Variants in SLC37A1 observed in about 807,000 individuals in gnomAD.
The protein encoded by SLC37A1 is solute carrier family 37 member 1.
A neutral mutation model predicts 75.3 loss-of-function variants in SLC37A1; 49 were observed. The ratio of observed to expected loss-of-function variants is 0.65; its 90% CI spans 0.52 to 0.83. The LOEUF (loss-of-function observed/expected upper bound fraction) is 0.83. SLC37A1 is among the 40% of genes least tolerant of loss of function. The pLI, the probability that SLC37A1 is intolerant of heterozygous loss-of-function variation, is 0.00. For synonymous variants in SLC37A1, 268 were observed against 292.1 expected (o/e 0.92, Z 0.84); for missense variants, 566 against 695.0 (o/e 0.81, Z 2.09).
rs559916630 is a variant in SLC37A1, at chr21:42,514,430, C to G, written c.-466C>G. On this transcript the variant is annotated 5_prime_UTR_variant, in exon 1 of 20. Transcript: ENST00000352133. This position sits in a 1 kb window ranked among gnomAD's most constrained non-coding sequence, Gnocchi z 4.8. ...GGAGGGGACCCTGCGCATTGTCTGC[C>G]GCGATGGGGACGTGGGCGTGCCCGC... 2.2e-4 allele frequency: 34 copies of G among 152,340 alleles called. 1 individual carries two copies. The highest frequency in any genetic ancestry group is 7.2e-4 in the African/African-American group (30 of 41,560). The allele number at this position is 152,340 out of a possible 1,614,324, so 9.4% of individuals were successfully genotyped here. A position where few individuals can be genotyped will look rare whatever the true frequency, so the allele number is the denominator to read the frequency against.
At chr21:42,580,256 A>G (rs388907) in intron 19 of SLC37A1, 89 bp from the exon 20 acceptor site, 1,077,412 of 1,483,278 alleles carry the variant, frequency 0.73, 399,496 homozygotes, top group African/African-American at 0.86. Context: ...GGCTCCCCAT[A>G]GGATTTGCAC....
chr21:42,518,287 C>T lies in SLC37A1; in HGVS notation c.-168C>T, dbSNP rs1209377613. The T allele has an allele frequency of 2.8e-6, 2 of 726,222 alleles. No individual in the cohort carries two copies. The highest frequency in any genetic ancestry group is 5.5e-5 in the East Asian group (2 of 36,142). 45.0% of individuals were successfully genotyped at this position (726,222 alleles called of 1,614,324 possible). On this transcript the variant is annotated 5_prime_UTR_variant, in exon 2 of 20. Coordinates refer to ENST00000352133, the MANE Select transcript of SLC37A1 (RefSeq NM_001320537.2). ...TCCTCCTCCTTGTAGAGAGCAGAGCCACTGCCAGAAGGAAGGGGACAAGAC... is the reference window on the plus strand; with the variant it reads ...TCCTCCTCCTTGTAGAGAGCAGAGCTACTGCCAGAAGGAAGGGGACAAGAC...
Position 42,513,962 on chromosome 21 carries a change from A to ACCCCCCCCCCCCCC in SLC37A1, c.-928_-927insCCCCCCCCCCCCCC. On this transcript the variant is annotated 5_prime_UTR_variant, in exon 1 of 20. Transcript: ENST00000352133. Reference sequence around the variant, plus strand: ...GCCGGGGCCGGACCGGGAGGCGGGGACCCCCCGCCCCCCCGCCCGCACCTG... The same window carrying ACCCCCCCCCCCCCC: ...GCCGGGGCCGGACCGGGAGGCGGGGACCCCCCCCCCCCCCCCCCCCGCCCCCCCGCCCGCACCTG... The ACCCCCCCCCCCCCC allele has an allele frequency of 7.0e-6, 1 of 142,312 alleles. No individual in the cohort carries two copies. Among genetic ancestry groups the ACCCCCCCCCCCCCC allele is most frequent in the South Asian group, 2.1e-4 (1 of 4,674 alleles). The allele number at this position is 142,312 out of a possible 1,614,324, so 8.8% of individuals were successfully genotyped here. A position where few individuals can be genotyped will look rare whatever the true frequency, so the allele number is the denominator to read the frequency against.
At chr21:42,518,189 C>G (rs1325001403) in intron 1 of SLC37A1, 88 bp from the exon 2 acceptor site, 3 of 486,858 alleles carry the variant, frequency 6.2e-6, no homozygotes, top group African/African-American at 5.9e-5. Context: ...GGTACTGCTA[C>G]TGTACGTGTG....
chr21:42,527,306 T>A (rs182502717), intron 3 of SLC37A1, among the ~76,000 whole-genome samples: 1 of 152,218 alleles, frequency 6.6e-6, no homozygotes, highest in Admixed American at 6.5e-5. Context: ...GGGGTCCACC[T>A]GATGACTATG....
upstream of SLC37A1, among the ~76,000 whole-genome samples, chr21:42,513,253 G>A (rs1157597505): frequency 1.3e-5 from 2 of 152,142 alleles, no homozygotes; most frequent in Non-Finnish European, 2.9e-5. Flanking sequence ...GCACTGGCCC[G>A]CAAGGGTAAG....
At chr21:42,529,185 A>C (rs2054877611) in intron 3 of SLC37A1, among the ~76,000 whole-genome samples, 1 of 152,232 alleles carries the variant, frequency 6.6e-6, no homozygotes, top group Non-Finnish European at 1.5e-5. Context: ...AATATGGAAT[A>C]TTTGACAGAG....
rs1672378146 is a variant in SLC37A1, at chr21:42,530,633, CACACACACACACACACA to C, written c.139-4064_139-4048del. Among the ~76,000 whole-genome samples the C allele has an allele frequency of 1.9e-4, 11 of 57,064 alleles. No homozygotes were observed. The South Asian group carries it at 4.9e-3, about 25-fold the overall frequency. The allele number at this position is 57,064 out of a possible 152,430, so 37.4% of individuals were successfully genotyped here. A position where few individuals can be genotyped will look rare whatever the true frequency, so the allele number is the denominator to read the frequency against. On this transcript the variant is annotated intron_variant, in intron 3 of 19. Coordinates refer to ENST00000352133, the MANE Select transcript of SLC37A1 (RefSeq NM_001320537.2). ...ACACACACACACACACACACACACACACACACACACACACACACACACCCCCTCTGTGTTGGCTGAAG... is the reference window on the plus strand; with the variant it reads ...ACACACACACACACACACACACACACCACACCCCCTCTGTGTTGGCTGAAG...
chr21:42,508,987 A>G (rs2054409970), upstream of SLC37A1, among the ~76,000 whole-genome samples: 1 of 152,134 alleles, frequency 6.6e-6, no homozygotes, highest in South Asian at 2.1e-4. Context: ...CTAAAATTCT[A>G]CCACTAAAAT....
chr21:42,526,314 G>A (rs1306473358), intron 3 of SLC37A1, among the ~76,000 whole-genome samples: 1 of 152,160 alleles, frequency 6.6e-6, no homozygotes, highest in Non-Finnish European at 1.5e-5. Context: ...TAGACTTTGA[G>A]AAAAGAAGAT....
At chr21:42,524,025 AC>A (rs2054717642) in intron 2 of SLC37A1, among the ~76,000 whole-genome samples, 1 of 152,150 alleles carries the variant, frequency 6.6e-6, no homozygotes, top group South Asian at 2.1e-4. Context: ...GGAGTAAATC[AC>A]AACATTAAAA....
At chr21:42,572,695 T>TAAAAA (rs1421400961) in intron 17 of SLC37A1, among the ~76,000 whole-genome samples, 2 of 132,270 alleles carry the variant, frequency 1.5e-5, no homozygotes, top group Non-Finnish European at 3.3e-5. Context: ...AAAAAAAGAG[T>TAAAAA]GTGTCCTGAG....
Position 42,542,413 on chromosome 21 carries a change from G to A in SLC37A1, c.496G>A (p.Gly166Arg), listed in dbSNP as rs779216363. Residue 166 changes from glycine to arginine, a missense_variant, in exon 7 of 20, where the codon GGG becomes AGG. By Grantham distance (125) the Gly-to-Arg change is moderately radical. Coordinates refer to ENST00000352133, the MANE Select transcript of SLC37A1 (RefSeq NM_001320537.2). Reference protein sequence around the residue: ...GFYVVTQVINGLVQTTGWPSV... With the variant: ...GFYVVTQVINRLVQTTGWPSV... ...TTGGCCTCTCCTGCAGGTCATCAAC[G>A]GGCTGGTGCAGACCACCGGCTGGCC... is the stretch of plus-strand genomic sequence containing the variant. 7.4e-6 allele frequency: 12 copies of A among 1,613,532 alleles called. No individual in the cohort carries two copies. Among genetic ancestry groups the A allele is most frequent in the Non-Finnish European group, 8.5e-6 (10 of 1,179,828 alleles).
rs912289513 is a variant in SLC37A1 at position 42,542,415 on chromosome 21, G to A, written c.498G>A (p.Gly166=). Residue 166 remains glycine (G), a synonymous_variant, in exon 7 of 20, where the codon GGG becomes GGA. Coordinates refer to ENST00000352133, the MANE Select transcript of SLC37A1 (RefSeq NM_001320537.2). ...GFYVVTQVIN[G]LVQTTGWPSV... Reference sequence around the variant, plus strand: ...GGCCTCTCCTGCAGGTCATCAACGGGCTGGTGCAGACCACCGGCTGGCCCA... The same window carrying A: ...GGCCTCTCCTGCAGGTCATCAACGGACTGGTGCAGACCACCGGCTGGCCCA... 7 of 1,613,892 alleles carry A rather than the reference G, an allele frequency of 4.3e-6. No homozygotes were observed. The highest frequency in any genetic ancestry group is 2.2e-5 in the South Asian group (2 of 91,048).
chr21:42,543,946 T>C (rs2055347641), intron 8 of SLC37A1, among the ~76,000 whole-genome samples: 1 of 152,238 alleles, frequency 6.6e-6, no homozygotes, highest in African/African-American at 2.4e-5. Context: ...ACAGCCTGAA[T>C]TGGACCCAGT....
intron 2 of SLC37A1, among the ~76,000 whole-genome samples, chr21:42,507,631 A>T (rs2054396094): frequency 6.6e-6 from 1 of 152,240 alleles, no homozygotes; most frequent in Non-Finnish European, 1.5e-5. Context: ...GCTGAACAAG[A>T]AGCATGGCAC....
At chr21:42,574,350 C>G (rs892345572) in intron 17 of SLC37A1, among the ~76,000 whole-genome samples, 3 of 152,204 alleles carry the variant, frequency 2.0e-5, no homozygotes, top group Admixed American at 2.0e-4. Context: ...AAAGAATGAA[C>G]ATTGCAATGT....
Position 42,554,157 on chromosome 21 carries a change from A to C in SLC37A1, c.849+15A>C, listed in dbSNP as rs2055625564. On this transcript the variant is annotated intron_variant, in intron 10 of 19. Transcript: ENST00000352133. The stretch of plus-strand genomic sequence containing the variant: ...ACAAGCCTCTGGTAAGTCACACACA[A>C]CTTCCACTTCCTAGAATGTCGGAGC... 6.2e-7 allele frequency: 1 copy of C among 1,609,604 alleles called. No homozygotes were observed.
In SLC37A1 at chr21:42,514,997, A is replaced by C. The variant is rs1229260366; in HGVS notation, c.-179+280A>C. 6.6e-6 allele frequency: 1 copy of C among 152,272 alleles called. No individual in the cohort carries two copies. The highest frequency in any genetic ancestry group is 2.4e-5 in the African/African-American group (1 of 41,444). The allele number at this position is 152,272 out of a possible 1,614,324, so 9.4% of individuals were successfully genotyped here. ...TTTTTATTAATCCCCTTTGAGAGCA[A>C]GCTTGAAAACACCTGGCCCCAGACC... On this transcript the variant is annotated intron_variant, in intron 1 of 19. Coordinates refer to ENST00000352133, the MANE Select transcript of SLC37A1 (RefSeq NM_001320537.2). This position sits in a 1 kb window ranked among gnomAD's most constrained non-coding sequence, Gnocchi z 4.8.
Sources: allele counts gnomAD v4.1 joint callset (sites outside exome capture counted in the v4.1 genomes callset), GRCh38; gene constraint gnomAD v4.1.1; non-coding constraint Gnocchi (gnomAD v3.1); transcripts MANE v1.5; gene names NCBI Gene and HGNC (gene_info 2026-07-23, HGNC 2026-07-21).